Variants in HUWE1 observed in about 807,000 individuals in gnomAD.
HUWE1 encodes the protein HECT, UBA and WWE domain containing E3 ubiquitin protein ligase 1, also known as E3 ubiquitin-protein ligase HUWE1.
HUWE1 carries 18 observed loss-of-function variants against 299.4 expected under a neutral mutation model. That is an observed-to-expected ratio of 0.06 (90% CI 0.04 to 0.09). HUWE1 has a LOEUF of 0.09. Ranked by LOEUF, HUWE1 falls within the 10% of genes least tolerant of loss-of-function variation. HUWE1 has a pLI of 1.00. For synonymous variants in HUWE1, 1,317 were observed against 1,286.1 expected (o/e 1.02, Z -0.51); for missense variants, 1,832 against 3,462.3 (o/e 0.53, Z 11.82).
At position 53,647,719 on chromosome X, in the gene HUWE1, T is replaced by C. The variant is rs936342574; in HGVS notation, c.145-145A>G. ...ACCCTTGCCCATATGAGAAAGATCA[T>C]ACTCTGAGCTAAAAGTGCTGTAGTT... is the stretch of plus-strand genomic sequence containing the variant. On this transcript the variant is annotated intron_variant, in intron 5 of 83. Transcript: ENST00000262854. 1.9e-5 allele frequency: 10 copies of C among 521,315 alleles called. No individual in the cohort carries two copies. The African/African-American group carries it at 2.3e-4, about 12-fold the overall frequency. The allele number at this position is 521,315 out of a possible 1,213,427, so 43.0% of individuals were successfully genotyped here.
chrX:53,616,894 G>T, intron 21 of HUWE1, 76 bp downstream of exon 21: 1 of 876,777 alleles, frequency 1.1e-6, no homozygotes, highest in Non-Finnish European at 1.6e-6. Context: ...GTAAAACGAT[G>T]AGAGAGATGA....
chrX:53,680,695 C>A (rs1051924279), intron 2 of HUWE1: 4 of 112,063 alleles, frequency 3.6e-5, no homozygotes, highest in Non-Finnish European at 7.5e-5. Context: ...AGAGATCTAC[C>A]TAGAATAAGT....
intron 3 of HUWE1, among the ~76,000 whole-genome samples, chrX:53,672,056 T>A (rs782729218): frequency 5.8e-4 from 61 of 105,163 alleles, no homozygotes; most frequent in African/African-American, 2.1e-3. Context: ...GTATACATAA[T>A]GACAAAGACA....
intron 3 of HUWE1, among the ~76,000 whole-genome samples, chrX:53,662,208 A>G (rs2069037408): frequency 9.0e-6 from 1 of 111,137 alleles, no homozygotes; most frequent in Admixed American, 9.6e-5. Context: ...GGTGATCCAT[A>G]TAACAAAGTT....
In HUWE1 at chrX:53,603,636, T is replaced by A. The variant is rs1298305400; in HGVS notation, c.2743-135A>T. On this transcript the variant is annotated intron_variant, in intron 26 of 83. Coordinates refer to ENST00000262854, the MANE Select transcript of HUWE1 (RefSeq NM_031407.7). ...GCTATTCTCAGAGTTATCCACCTCA[T>A]CAAAATGTCCACACTCAAGACGACA... is the stretch of plus-strand genomic sequence containing the variant. 1.6e-5 allele frequency: 9 copies of A among 552,228 alleles called. No homozygotes were observed. The East Asian group carries it at 3.3e-4, about 20-fold the overall frequency. 45.5% of individuals were successfully genotyped at this position (552,228 alleles called of 1,213,427 possible).
Position 53,566,277 on chromosome X carries a change from C to T in HUWE1, c.6708-1038G>A, listed in dbSNP as rs145483955. Among the ~76,000 whole-genome samples, 335 of 105,413 alleles carry T rather than the reference C, an allele frequency of 3.2e-3. 2 individuals carry two copies. The highest frequency in any genetic ancestry group is 0.011 in the African/African-American group (321 of 28,859). The allele number at this position is 105,413 out of a possible 115,157, so 91.5% of individuals were successfully genotyped here. On this transcript the variant is annotated intron_variant, in intron 49 of 83. Coordinates refer to ENST00000262854, the MANE Select transcript of HUWE1 (RefSeq NM_031407.7). ...TAGGGCAAGGAAGGGATAAGGTAAG[C>T]CTGGGATATCTCATTGTGCCAAAAA...
intron 60 of HUWE1, among the ~76,000 whole-genome samples, chrX:53,555,170 C>T (rs1453833454): frequency 8.9e-6 from 1 of 111,781 alleles, no homozygotes; most frequent in Admixed American, 9.5e-5. Flanking sequence ...AAAATCCTTT[C>T]TGTGCCCTGC....
intron 28 of HUWE1, among the ~76,000 whole-genome samples, chrX:53,601,378 T>A (rs2064830672): frequency 9.1e-6 from 1 of 109,757 alleles, no homozygotes; most frequent in Non-Finnish European, 1.9e-5. Context: ...GAGATAGAGT[T>A]TCGTCATGTT....
intron 29 of HUWE1, among the ~76,000 whole-genome samples, chrX:53,598,350 A>G (rs1602991420): frequency 1.8e-5 from 2 of 111,990 alleles, no homozygotes; most frequent in African/African-American, 6.5e-5. Context: ...TGAAAAAGCA[A>G]CCAAGTCAGA....
chrX:53,654,506 GAATT>G (rs2068656095), intron 3 of HUWE1, among the ~76,000 whole-genome samples: 1 of 111,475 alleles, frequency 9.0e-6, no homozygotes, highest in Admixed American at 9.5e-5. Context: ...CCATTTCTAG[GAATT>G]AATCCAAAGA....
At chrX:53,578,350 A>AG (rs2063308370) in intron 43 of HUWE1, among the ~76,000 whole-genome samples, 1 of 95,133 alleles carries the variant, frequency 1.1e-5, no homozygotes, top group African/African-American at 4.3e-5. Context: ...TCTGGGAGGG[A>AG]GGTGGGGGGG....
intron 2 of HUWE1, among the ~76,000 whole-genome samples, chrX:53,681,105 T>G (rs1178222147): frequency 1.8e-5 from 2 of 110,682 alleles, no homozygotes; most frequent in Non-Finnish European, 3.8e-5. Flanking sequence ...TTGCTAGAAT[T>G]AGTTAAAAAA....
chrX:53,578,630 G>A (rs1436474703), intron 43 of HUWE1, among the ~76,000 whole-genome samples: 1 of 95,902 alleles, frequency 1.0e-5, no homozygotes, highest in African/African-American at 3.9e-5. Context: ...GAGGGAGGTG[G>A]GGGAGTCAGC....
Position 53,548,988 on chromosome X carries a change from C to T in HUWE1, c.10006G>A (p.Val3336Ile). ...PQAAPVVCRH[V>I]LDTLIQLAKV... ...GCCAATTGAATGAGTGTATCCAAAACGTGTCTGCAGACAACAGGAGCAGCT... is the reference window on the plus strand; with the variant it reads ...GCCAATTGAATGAGTGTATCCAAAATGTGTCTGCAGACAACAGGAGCAGCT... Residue 3336 changes from valine (V) to isoleucine (I), a missense_variant, in exon 67 of 84, where the codon GTT becomes ATT. By Grantham distance (29) the Val-to-Ile change is conservative. Transcript: ENST00000262854. 8.3e-7 allele frequency: 1 copy of T among 1,205,063 alleles called. No homozygotes were observed. The highest frequency in any genetic ancestry group is 3.0e-5 in the East Asian group (1 of 33,616).
At chrX:53,588,937 C>T (rs1001891773) in intron 36 of HUWE1, among the ~76,000 whole-genome samples, 2 of 112,307 alleles carry the variant, frequency 1.8e-5, no homozygotes, top group Non-Finnish European at 3.8e-5. Flanking sequence ...ATGTTTTATC[C>T]AGTTTTCCTT....
At chrX:53,584,051 G>A in intron 41 of HUWE1, 135 bp from the exon 42 acceptor site, 1 of 810,310 alleles carries the variant, frequency 1.2e-6, no homozygotes, top group South Asian at 2.1e-5. Context: ...TTTAAGATCA[G>A]ATGAAAAAGC....
chrX:53,583,870 G>C lies in HUWE1; in HGVS notation c.5208C>G (p.Ser1736Arg), dbSNP rs1556970494. ...TCTCCCCGATTTTTGTTTCCTCCAG[G>C]CTTGTCTCCTTTTCAGTGTTTGTAC... ...LESTNTEKET[S>R]LEETKIGEIL... The change falls in exon 42 of 84, where the codon AGC becomes AGG. Residue 1736 changes from serine to arginine, a missense_variant. Ser to Arg is a moderately radical substitution (Grantham distance 110). Coordinates refer to ENST00000262854, the MANE Select transcript of HUWE1 (RefSeq NM_031407.7). 1.7e-6 allele frequency: 2 copies of C among 1,208,455 alleles called. No individual in the cohort carries two copies. The highest frequency in any genetic ancestry group is 4.4e-5 in the Admixed American group (2 of 45,695).
intron 2 of HUWE1, among the ~76,000 whole-genome samples, chrX:53,685,747 G>T (rs1375963861): frequency 1.8e-5 from 2 of 111,692 alleles, no homozygotes. Flanking sequence ...TTTTGGGAAG[G>T]CAATTTGGAC....
chrX:53,621,107 C>T (rs1049515793), intron 19 of HUWE1, among the ~76,000 whole-genome samples: 4 of 111,845 alleles, frequency 3.6e-5, no homozygotes, highest in Admixed American at 1.9e-4. Context: ...TCTGGAACCA[C>T]CTTATTACAG....
Sources: allele counts gnomAD v4.1 joint callset (sites outside exome capture counted in the v4.1 genomes callset), GRCh38; gene constraint gnomAD v4.1.1; transcripts MANE v1.5; gene names NCBI Gene and HGNC (gene_info 2026-07-23, HGNC 2026-07-21).